KCNIP1: variants seen among roughly 807,000 people sequenced by gnomAD.
KCNIP1 encodes A-type potassium channel modulatory protein KCNIP1.
In KCNIP1, 18 loss-of-function variants were observed where a neutral mutation model predicts 33.0. The observed-to-expected ratio is 0.55, with a 90% confidence interval of 0.38 to 0.81. The LOEUF (loss-of-function observed/expected upper bound fraction) is 0.81. KCNIP1 is among the 30% of genes least tolerant of loss of function. The pLI is 0.00. For synonymous variants in KCNIP1, 93 were observed against 98.3 expected (o/e 0.95, Z 0.32); for missense variants, 238 against 271.6 (o/e 0.88, Z 0.87).
intron 1 of KCNIP1, among the ~76,000 whole-genome samples, chr5:170,588,525 A>T (rs1335447869): frequency 6.6e-6 from 1 of 152,104 alleles, no homozygotes; most frequent in Non-Finnish European, 1.5e-5. Flanking sequence ...GCCTGTGGGG[A>T]TGCCACGTGA....
chr5:170,514,002 G>C (rs1198928214), intron 1 of KCNIP1, among the ~76,000 whole-genome samples: 2 of 152,230 alleles, frequency 1.3e-5, no homozygotes, highest in African/African-American at 2.4e-5. Context: ...TGATTGGCTA[G>C]TGATTAGTAA....
chr5:170,682,326 G>A (rs1221317873), intron 1 of KCNIP1, among the ~76,000 whole-genome samples: 1 of 152,170 alleles, frequency 6.6e-6, no homozygotes, highest in African/African-American at 2.4e-5. Flanking sequence ...TGATCCAAAG[G>A]TTTCTTTGAA....
intron 5 of KCNIP1, among the ~76,000 whole-genome samples, chr5:170,726,490 T>C (rs757183032): frequency 9.9e-5 from 15 of 152,244 alleles, no homozygotes; most frequent in Middle Eastern, 3.4e-3. Flanking sequence ...TTGGCAAAGA[T>C]GTGGAGCAAT....
intron 1 of KCNIP1, among the ~76,000 whole-genome samples, chr5:170,676,523 C>T (rs970097948): frequency 6.6e-6 from 1 of 152,172 alleles, no homozygotes; most frequent in African/African-American, 2.4e-5. Flanking sequence ...GAAAAGAAAA[C>T]TTCAAGTGCA....
intron 1 of KCNIP1, among the ~76,000 whole-genome samples, chr5:170,709,044 G>A (rs1481933610): frequency 1.3e-5 from 2 of 152,100 alleles, no homozygotes; most frequent in African/African-American, 4.8e-5. Flanking sequence ...AAAGTTTTTT[G>A]AGATTGACTT....
intron 1 of KCNIP1, among the ~76,000 whole-genome samples, chr5:170,659,238 C>A (rs1283163790): frequency 6.6e-6 from 1 of 152,096 alleles, no homozygotes; most frequent in Non-Finnish European, 1.5e-5. Flanking sequence ...GACTTCACAG[C>A]ATCATTTTGC....
In KCNIP1 at chr5:170,434,305, C is replaced by CAT. The variant is rs564496754; in HGVS notation, c.88+80351_88+80352dup. Among the ~76,000 whole-genome samples, 135 of 152,134 alleles carry CAT rather than the reference C, an allele frequency of 8.9e-4. 1 individual carries two copies. The highest frequency in any genetic ancestry group is 2.7e-3 in the African/African-American group (114 of 41,506). On this transcript the variant is annotated intron_variant, in intron 1 of 7. Transcript: ENST00000377360. ...ATACAAGATTAAGTATGTATGTAAGCATATATATATACACACACATTTAGA... is the reference window on the plus strand; with the variant it reads ...ATACAAGATTAAGTATGTATGTAAGCATATATATATATACACACACATTTAGA...
chr5:170,356,336 G>C (rs1035084713), intron 1 of KCNIP1, among the ~76,000 whole-genome samples: 2 of 152,184 alleles, frequency 1.3e-5, no homozygotes, highest in Non-Finnish European at 2.9e-5. Flanking sequence ...CCAGGTACCT[G>C]CTTGTTCTAT....
intron 1 of KCNIP1, among the ~76,000 whole-genome samples, chr5:170,475,327 C>G (rs1756832109): frequency 6.6e-6 from 1 of 152,222 alleles, no homozygotes; most frequent in South Asian, 2.1e-4. Context: ...TTTATTTCAG[C>G]CTCACATTGA....
intron 1 of KCNIP1, among the ~76,000 whole-genome samples, chr5:170,537,704 C>A (rs991398433): frequency 4.6e-5 from 7 of 152,228 alleles, no homozygotes; most frequent in Non-Finnish European, 1.0e-4. Context: ...GGTTATAGGG[C>A]ATGGCTCTCT....
intron 1 of KCNIP1, among the ~76,000 whole-genome samples, chr5:170,447,779 G>A (rs1026363682): frequency 6.6e-6 from 1 of 151,802 alleles, no homozygotes; most frequent in African/African-American, 2.4e-5. Context: ...CTGCTTGGAG[G>A]AGCCAGACTC....
At chr5:170,654,778 G>A (rs1177623464) in intron 1 of KCNIP1, among the ~76,000 whole-genome samples, 1 of 152,146 alleles carries the variant, frequency 6.6e-6, no homozygotes, top group Non-Finnish European at 1.5e-5. Context: ...TCATACTTAG[G>A]TACATGACTT....
intron 1 of KCNIP1, among the ~76,000 whole-genome samples, chr5:170,429,130 C>T (rs765235190): frequency 7.2e-5 from 11 of 152,140 alleles, no homozygotes; most frequent in Non-Finnish European, 1.6e-4. Flanking sequence ...CCACTGAGCC[C>T]AAGGTGCTTT....
chr5:170,645,232 G>A (rs1052654888), intron 1 of KCNIP1, among the ~76,000 whole-genome samples: 4 of 152,120 alleles, frequency 2.6e-5, no homozygotes, highest in African/African-American at 9.7e-5. Flanking sequence ...TCACAAATCC[G>A]CCTCAGTCAG....
In KCNIP1 at chr5:170,481,443, T is replaced by C. The variant is rs535016110; in HGVS notation, c.88+127479T>C. On this transcript the variant is annotated intron_variant, in intron 1 of 7. Transcript: ENST00000377360. ...CTGTGTCCACTGTTAGTGACAGAAG[T>C]GGGAAAATATTTAAGTTGAGTTCAC... 2.0e-5 allele frequency among the ~76,000 whole-genome samples: 3 copies of C among 152,274 alleles called. No individual in the cohort carries two copies. The East Asian group carries it at 5.8e-4, about 29-fold the overall frequency.
At chr5:170,634,604 A>AGT (rs150238869) in intron 1 of KCNIP1, among the ~76,000 whole-genome samples, 5 of 151,944 alleles carry the variant, frequency 3.3e-5, no homozygotes, top group African/African-American at 9.7e-5. Flanking sequence ...TCTCCCAGGG[A>AGT]GTGTGTGTGT....
chr5:170,474,063 T>C (rs1232799865), intron 1 of KCNIP1, among the ~76,000 whole-genome samples: 2 of 152,224 alleles, frequency 1.3e-5, no homozygotes, highest in Non-Finnish European at 2.9e-5. Flanking sequence ...CTAGTTATTA[T>C]GAGAAACTGC....
At chr5:170,673,301 C>T (rs1761993246) in intron 1 of KCNIP1, among the ~76,000 whole-genome samples, 1 of 152,212 alleles carries the variant, frequency 6.6e-6, no homozygotes, top group Admixed American at 6.5e-5. Flanking sequence ...CTAGTTCTAC[C>T]ACTTACTAGC....
intron 1 of KCNIP1, among the ~76,000 whole-genome samples, chr5:170,673,756 T>A (rs370982674): frequency 1.1e-4 from 16 of 152,234 alleles, no homozygotes; most frequent in Middle Eastern, 3.4e-3. Flanking sequence ...TCTATGTCAC[T>A]CTCAACGCTT....
Sources: allele counts gnomAD v4.1 joint callset (sites outside exome capture counted in the v4.1 genomes callset), GRCh38; gene constraint gnomAD v4.1.1; transcripts MANE v1.5; gene names NCBI Gene and HGNC (gene_info 2026-07-23, HGNC 2026-07-21).